ATG7: variants seen among roughly 807,000 people sequenced by gnomAD.
ATG7 encodes autophagy related 7, also known as ubiquitin-like modifier-activating enzyme ATG7.
Under a neutral mutation model 82.4 loss-of-function variants are expected in ATG7, and 70 were observed. That is an observed-to-expected ratio of 0.85 (90% CI 0.70 to 1.04). ATG7 has a LOEUF of 1.04. Among genes scored for constraint, ATG7 ranks in the 50% least tolerant of loss-of-function variants. ATG7 has a pLI of 0.00. For synonymous variants in ATG7, 287 were observed against 313.0 expected (o/e 0.92, Z 0.88); for missense variants, 792 against 864.3 (o/e 0.92, Z 1.05).
chr3:11,445,307 G>A (rs931399568), intron 20 of ATG7, among the ~76,000 whole-genome samples: 3 of 152,172 alleles, frequency 2.0e-5, no homozygotes, highest in Admixed American at 6.5e-5. Context: ...CAACTTAAAT[G>A]CCCATCAGTG....
Position 11,527,035 on chromosome 3 carries a change from G to A in ATG7, c.2080-27776G>A, listed in dbSNP as rs183897051. Among the ~76,000 whole-genome samples the A allele has an allele frequency of 1.8e-3, 235 of 130,442 alleles. 7 individuals carry two copies. The highest frequency in any genetic ancestry group is 0.014 in the Admixed American group (173 of 12,328). The allele number at this position is 130,442 out of a possible 152,430, so 85.6% of individuals were successfully genotyped here. On this transcript the variant is annotated intron_variant, in intron 20 of 20. Transcript: ENST00000693202. ...ATATATAGTATATATATGTGTGTGT[G>A]TATATATGTGTGTGTGTGTGTGTGT...
intron 19 of ATG7, 118 bp from the exon 20 acceptor site, chr3:11,426,686 C>A (rs997051796): frequency 9.9e-7 from 1 of 1,009,352 alleles, no homozygotes; most frequent in East Asian, 2.9e-5. Context: ...CATTATTATC[C>A]CCATGTTTAA....
intron 20 of ATG7, among the ~76,000 whole-genome samples, chr3:11,515,762 T>C (rs977713821): frequency 6.6e-6 from 1 of 152,176 alleles, no homozygotes; most frequent in Non-Finnish European, 1.5e-5. Context: ...TTAAGTAAGA[T>C]GGACCCTTTT....
chr3:11,474,241 T>C (rs983438903), intron 20 of ATG7, among the ~76,000 whole-genome samples: 2 of 152,258 alleles, frequency 1.3e-5, no homozygotes, highest in African/African-American at 4.8e-5. Context: ...TCATGGAGCC[T>C]ACTTTTCTAG....
chr3:11,524,240 CACAG>C (rs1489371406), intron 20 of ATG7, among the ~76,000 whole-genome samples: 1 of 152,168 alleles, frequency 6.6e-6, no homozygotes, highest in Admixed American at 6.5e-5. Flanking sequence ...GAAGTTGAAA[CACAG>C]ACAAAGGAAG....
chr3:11,463,802 A>G (rs1431150049), intron 20 of ATG7, among the ~76,000 whole-genome samples: 3 of 152,132 alleles, frequency 2.0e-5, no homozygotes, highest in East Asian at 3.9e-4. Flanking sequence ...CTGGCCCTGG[A>G]CTTCTCACAC....
chr3:11,488,909 T>A (rs2090056140), intron 20 of ATG7, among the ~76,000 whole-genome samples: 1 of 152,232 alleles, frequency 6.6e-6, no homozygotes, highest in South Asian at 2.1e-4. Flanking sequence ...AGGATGATGC[T>A]GGCCTCATAA....
chr3:11,486,988 G>T (rs370839699), intron 20 of ATG7, among the ~76,000 whole-genome samples: 6 of 151,762 alleles, frequency 4.0e-5, no homozygotes, highest in African/African-American at 9.7e-5. Context: ...GCGGCCTTCC[G>T]CAGTGTTTGT....
chr3:11,442,849 A>C (rs1248994885), intron 20 of ATG7, among the ~76,000 whole-genome samples: 1 of 150,724 alleles, frequency 6.6e-6, no homozygotes, highest in African/African-American at 2.4e-5. Context: ...AGAGCCCAGG[A>C]GTTCGAGGCT....
intron 20 of ATG7, among the ~76,000 whole-genome samples, chr3:11,550,807 T>C (rs888816330): frequency 1.3e-5 from 2 of 152,108 alleles, no homozygotes; most frequent in Non-Finnish European, 2.9e-5. Flanking sequence ...TGCATGCATG[T>C]GTTTTTGCAG....
At position 11,362,948 on chromosome 3, in the gene ATG7, A is replaced by G; in HGVS notation, c.1799+20A>G. ...AGAAGGGTGAGTTTGCTAGTAGGAG[A>G]TGAGTATTTAAACAAAGCTTTTGTA... On this transcript the variant is annotated intron_variant, in intron 17 of 20. Transcript: ENST00000693202. The G allele has an allele frequency of 1.2e-6, 2 of 1,604,218 alleles. No homozygotes were observed. Among genetic ancestry groups the G allele is most frequent in the Non-Finnish European group, 8.5e-7 (1 of 1,173,620 alleles).
intron 20 of ATG7, among the ~76,000 whole-genome samples, chr3:11,427,491 A>AT (rs11414511): frequency 0.69 from 98,680 of 143,720 alleles, 33,853 homozygotes; most frequent in East Asian, 0.85. Context: ...TCATTGCATC[A>AT]TTTTTTTTTT....
chr3:11,463,641 G>A (rs2086555859), intron 20 of ATG7, among the ~76,000 whole-genome samples: 1 of 151,958 alleles, frequency 6.6e-6, no homozygotes, highest in Non-Finnish European at 1.5e-5. Flanking sequence ...TTGGAGCATT[G>A]AACATAATGG....
chr3:11,299,928 CTT>C (rs34118059), intron 5 of ATG7, among the ~76,000 whole-genome samples: 9 of 144,458 alleles, frequency 6.2e-5, no homozygotes, highest in East Asian at 2.0e-4. Flanking sequence ...AAGAGACACA[CTT>C]TTTTTTTTTT....
At chr3:11,459,979 G>A (rs2086147677) in intron 20 of ATG7, among the ~76,000 whole-genome samples, 1 of 152,208 alleles carries the variant, frequency 6.6e-6, no homozygotes, top group Admixed American at 6.5e-5. Flanking sequence ...GCACCATACT[G>A]CCTCTTACAT....
At chr3:11,400,283 TTAATTTAAGCCAGGG>T (rs1338794232) in intron 19 of ATG7, among the ~76,000 whole-genome samples, 4 of 152,190 alleles carry the variant, frequency 2.6e-5, no homozygotes, top group Non-Finnish European at 5.9e-5. Context: ...CACACCATAC[TTAATTTAAGCCAGGG>T]TATATGAACT....
At chr3:11,362,093 G>A (rs1034428768) in intron 16 of ATG7, among the ~76,000 whole-genome samples, 2 of 152,178 alleles carry the variant, frequency 1.3e-5, no homozygotes, top group Non-Finnish European at 1.5e-5. Context: ...GTTATTTAGT[G>A]ATTGTCAACA....
At chr3:11,404,397 A>G (rs2080133859) in intron 19 of ATG7, among the ~76,000 whole-genome samples, 1 of 152,042 alleles carries the variant, frequency 6.6e-6, no homozygotes, top group Middle Eastern at 3.4e-3. Flanking sequence ...TGGCCTCCCA[A>G]AGTGCTGGGA....
chr3:11,327,601 T>C (rs1459620347), intron 9 of ATG7, among the ~76,000 whole-genome samples: 1 of 152,202 alleles, frequency 6.6e-6, no homozygotes, highest in African/African-American at 2.4e-5. Flanking sequence ...ATCAAGAAGT[T>C]TGTAACTTGC....
Sources: gnomAD v4.1 joint callset for allele counts (sites outside exome capture counted in the v4.1 genomes callset) on GRCh38, gnomAD v4.1.1 for gene constraint, MANE v1.5 for transcripts, NCBI Gene and HGNC (gene_info 2026-07-23, HGNC 2026-07-21) for gene names.